BLK: variants seen among roughly 807,000 people sequenced by gnomAD.
BLK encodes BLK proto-oncogene, Src family tyrosine kinase.
BLK carries 64 observed loss-of-function variants against 61.8 expected under a neutral mutation model. The ratio of observed to expected loss-of-function variants is 1.03; its 90% CI spans 0.85 to 1.27. BLK has a LOEUF of 1.27. Ranked by LOEUF, BLK falls within the 50% of genes most tolerant of loss-of-function variation. The pLI is 0.00. For synonymous variants in BLK, 351 were observed against 272.0 expected, an observed-to-expected ratio of 1.29 and a Z score of -2.86; for missense variants, 853 against 660.5, an observed-to-expected ratio of 1.29 and a Z score of -3.19.
chr8:11,514,300 AG>A (rs1799138497), intron 1 of BLK, among the ~76,000 whole-genome samples: 1 of 152,218 alleles, frequency 6.6e-6, no homozygotes, highest in South Asian at 2.1e-4. Context: ...CCACTGTTCC[AG>A]CAAATGTGAG....
intron 1 of BLK, among the ~76,000 whole-genome samples, chr8:11,534,016 T>G (rs994087790): frequency 2.6e-5 from 4 of 152,076 alleles, no homozygotes; most frequent in African/African-American, 7.2e-5. Flanking sequence ...GAAGAAAGGG[T>G]CTCCATGAAG....
chr8:11,513,258 T>G lies in BLK; in HGVS notation c.-2+18667T>G, dbSNP rs144076521. ...GGACCTCTGTGTCTTGAAGTGGGAG[T>G]GGATGGTAGGAAGGGGGAGATGGAA... is the stretch of plus-strand genomic sequence containing the variant. On this transcript the variant is annotated intron_variant, in intron 1 of 12. Coordinates refer to ENST00000259089, the MANE Select transcript of BLK (RefSeq NM_001715.3). Among the ~76,000 whole-genome samples the G allele has an allele frequency of 6.0e-3, 909 of 151,336 alleles. 10 individuals are homozygous for G. Among genetic ancestry groups the G allele is most frequent in the African/African-American group, 0.021 (865 of 41,140 alleles).
intron 3 of BLK, 55 bp downstream of exon 3, chr8:11,546,158 A>G (rs1800632487): frequency 1.3e-6 from 2 of 1,595,086 alleles, no homozygotes; most frequent in Non-Finnish European, 8.6e-7. Context: ...CCTAGGTGGC[A>G]GCTTTGTGGA....
intron 1 of BLK, among the ~76,000 whole-genome samples, chr8:11,496,210 A>G (rs568533312): frequency 5.7e-4 from 87 of 152,090 alleles, no homozygotes; most frequent in Non-Finnish European, 7.4e-4. Context: ...TTGGTGTCCA[A>G]TGGGTTTTGT....
In BLK at chr8:11,543,199, T is replaced by C. The variant is rs779112394; in HGVS notation, c.-1-25T>C. On this transcript the variant is annotated intron_variant, in intron 1 of 12. Coordinates refer to ENST00000259089, the MANE Select transcript of BLK (RefSeq NM_001715.3). ...TCTGAGGCCCCGCTCTCTCATGTCC[T>C]CTGTCTGCTGTGTGTCTCCGACAGG... 4 of 1,613,468 alleles carry C rather than the reference T, an allele frequency of 2.5e-6. No homozygotes were observed. In the Admixed American group the frequency reaches 6.7e-5, roughly 27 times the overall value.
chr8:11,534,575 C>G (rs1449875394), intron 1 of BLK, among the ~76,000 whole-genome samples: 1 of 152,230 alleles, frequency 6.6e-6, no homozygotes, highest in Non-Finnish European at 1.5e-5. Flanking sequence ...TCCTGAAGGT[C>G]TGCTCAGCAC....
intron 1 of BLK, among the ~76,000 whole-genome samples, chr8:11,511,612 T>C (rs1799010880): frequency 6.6e-6 from 1 of 152,232 alleles, no homozygotes; most frequent in Non-Finnish European, 1.5e-5. Context: ...ATTTCTCTTC[T>C]CCTTTCTTCC....
rs539257740 is a variant in BLK at position 11,495,558 on chromosome 8, C to T, written c.-2+967C>T. Among the ~76,000 whole-genome samples the T allele has an allele frequency of 2.0e-4, 30 of 152,246 alleles. No individual in the cohort carries two copies. In the South Asian group the frequency reaches 6.2e-3, roughly 32 times the overall value. On this transcript the variant is annotated intron_variant, in intron 1 of 12. Coordinates refer to ENST00000259089, the MANE Select transcript of BLK (RefSeq NM_001715.3). ...GGTTCTTCCCACCAACTCATAACCC[C>T]AGTCAAATCATGAGAAAACATCAGA...
At chr8:11,527,394 T>C (rs943358063) in intron 1 of BLK, among the ~76,000 whole-genome samples, 7 of 152,178 alleles carry the variant, frequency 4.6e-5, no homozygotes, top group South Asian at 2.1e-4. Flanking sequence ...TAGCCCTTTC[T>C]GTTCATACCC....
rs982144072 is a variant in BLK at position 11,534,706 on chromosome 8, C to T, written c.-1-8518C>T. ...TGAAATGGCCACATAATTTCTCCTC[C>T]TAACTGTGCCGAAGTACCTAAAAGT... On this transcript the variant is annotated intron_variant, in intron 1 of 12. Coordinates refer to ENST00000259089, the MANE Select transcript of BLK (RefSeq NM_001715.3). 6.6e-5 allele frequency among the ~76,000 whole-genome samples: 10 copies of T among 152,292 alleles called. No homozygotes were observed. The South Asian group carries it at 2.1e-3, about 32-fold the overall frequency.
At chr8:11,527,680 G>A (rs1378154018) in intron 1 of BLK, among the ~76,000 whole-genome samples, 1 of 151,692 alleles carries the variant, frequency 6.6e-6, no homozygotes, top group Non-Finnish European at 1.5e-5. Flanking sequence ...CCTTGTGAGT[G>A]AGTACTCCTT....
rs571981079 is a variant in BLK, at chr8:11,514,857, A to G, written c.-2+20266A>G. On this transcript the variant is annotated intron_variant, in intron 1 of 12. Transcript: ENST00000259089. ...ATCATATGCAGGAGCCCAAGAAGCT[A>G]TTACAGTCCCAGATCATTTCTGATC... 9.2e-5 allele frequency among the ~76,000 whole-genome samples: 14 copies of G among 152,280 alleles called. No homozygotes were observed. In the South Asian group the frequency reaches 2.9e-3, roughly 32 times the overall value.
intron 6 of BLK, among the ~76,000 whole-genome samples, chr8:11,554,464 G>A (rs1801089075): frequency 6.6e-6 from 1 of 152,174 alleles, no homozygotes; most frequent in African/African-American, 2.4e-5. Context: ...CATGATTGCT[G>A]AGAAACTGTG....
At chr8:11,543,634 T>C (rs1800490665) in intron 2 of BLK, among the ~76,000 whole-genome samples, 1 of 152,300 alleles carries the variant, frequency 6.6e-6, no homozygotes, top group East Asian at 1.9e-4. Context: ...TCCGGGTATC[T>C]AGCTGCAGCT....
Position 11,538,828 on chromosome 8 carries a change from A to T in BLK, c.-1-4396A>T, listed in dbSNP as rs116139119. ...TGGCCACTTAACGGTCATTGTCAAG[A>T]ACTGCAGGCTGGCCCTGGCTCCAGG... On this transcript the variant is annotated intron_variant, in intron 1 of 12. Transcript: ENST00000259089. 5.4e-3 allele frequency among the ~76,000 whole-genome samples: 818 copies of T among 152,320 alleles called. 8 individuals are homozygous for T. Among genetic ancestry groups the T allele is most frequent in the African/African-American group, 0.017 (687 of 41,570 alleles).
intron 1 of BLK, among the ~76,000 whole-genome samples, chr8:11,523,408 G>C (rs958822110): frequency 7.2e-5 from 11 of 152,004 alleles, no homozygotes; most frequent in African/African-American, 2.7e-4. Flanking sequence ...ACAAAAATTA[G>C]CGAGCATGGT....
intron 8 of BLK, 114 bp from the exon 9 acceptor site, chr8:11,556,544 C>G: frequency 3.1e-6 from 4 of 1,290,910 alleles, no homozygotes; most frequent in Non-Finnish European, 3.4e-6. Flanking sequence ...CATGTTCCAG[C>G]TCTGGCACCT....
rs143320467 is a variant in BLK at position 11,500,147 on chromosome 8, C to T, written c.-2+5556C>T. Among the ~76,000 whole-genome samples, 608 of 152,248 alleles carry T rather than the reference C, an allele frequency of 4.0e-3. 4 individuals carry two copies. The highest frequency in any genetic ancestry group is 0.013 in the African/African-American group (560 of 41,558). On this transcript the variant is annotated intron_variant, in intron 1 of 12. Coordinates refer to ENST00000259089, the MANE Select transcript of BLK (RefSeq NM_001715.3). ...GAGTCTATTACAGTTATAGAAATAGCTTATTTTTACACATATTCCACCTTA... is the reference window on the plus strand; with the variant it reads ...GAGTCTATTACAGTTATAGAAATAGTTTATTTTTACACATATTCCACCTTA...
At chr8:11,555,645 G>C (rs539412706) in intron 8 of BLK, 161 bp downstream of exon 8, 46 of 1,171,700 alleles carry the variant, frequency 3.9e-5, no homozygotes, top group Non-Finnish European at 5.0e-5. Flanking sequence ...GGAGGAAGTG[G>C]AGGTGCAGAG....
Sources: allele counts gnomAD v4.1 joint callset (sites outside exome capture counted in the v4.1 genomes callset), GRCh38; gene constraint gnomAD v4.1.1; transcripts MANE v1.5; gene names NCBI Gene and HGNC (gene_info 2026-07-23, HGNC 2026-07-21).